The following NFATC4 variants were observed in gnomAD, a reference collection of about 807,000 sequenced individuals.
The protein encoded by NFATC4 is nuclear factor of activated T-cells, cytoplasmic 4.
Under a neutral mutation model 73.4 loss-of-function variants are expected in NFATC4, and 25 were observed. The observed-to-expected ratio is 0.34, with a 90% CI of 0.25 to 0.48. NFATC4 has a LOEUF of 0.48. NFATC4 is among the 20% of genes least tolerant of loss of function. NFATC4 has a pLI of 0.99. For synonymous variants in NFATC4, 523 were observed against 510.3 expected (o/e 1.02, Z -0.34); for missense variants, 1,130 against 1,203.7 (o/e 0.94, Z 0.91).
chr14:24,377,010 G>A lies in NFATC4; in HGVS notation c.2641+132G>A. On this transcript the variant is annotated intron_variant, in intron 9 of 9. Transcript: ENST00000250373. This position sits in a 1 kb window ranked among gnomAD's most constrained non-coding sequence, Gnocchi z 4.2. ...TCTCAGGGCCAGTTGGAGGTTCCCA[G>A]GAGGCATGTTCTTGATGCCTGTGGC... 1 of 1,398,382 alleles carries A rather than the reference G, an allele frequency of 7.2e-7. No individual in the cohort carries two copies. 86.6% of individuals were successfully genotyped at this position (1,398,382 alleles called of 1,614,324 possible). A position where few individuals can be genotyped will look rare whatever the true frequency, so the allele number is the denominator to read the frequency against.
rs916030041 is a variant in NFATC4 at position 24,368,953 on chromosome 14, C to G, written c.100+513C>G. 8 of 838,330 alleles carry G rather than the reference C, an allele frequency of 9.5e-6. 1 individual carries two copies. Among genetic ancestry groups the G allele is most frequent in the African/African-American group, 3.5e-5 (2 of 56,732 alleles). 51.9% of individuals were successfully genotyped at this position (838,330 alleles called of 1,614,324 possible). On this transcript the variant is annotated intron_variant, in intron 1 of 9. Transcript: ENST00000250373. Reference sequence around the variant, plus strand: ...GCACGAATCCGCGCTGCCCGCTGCCCCCCTTCCCCCGGCTGGGCCCAGCAC... The same window carrying G: ...GCACGAATCCGCGCTGCCCGCTGCCGCCCTTCCCCCGGCTGGGCCCAGCAC...
chr14:24,367,769 T>C (rs2042345416), upstream of NFATC4: 2 of 1,387,256 alleles, frequency 1.4e-6, no homozygotes, highest in Non-Finnish European at 1.9e-6. Flanking sequence ...TGGTTCTGCC[T>C]TGCTAGGTGC....
chr14:24,369,897 T>G lies in NFATC4; in HGVS notation c.499T>G (p.Phe167Val). 1 of 1,612,004 alleles carries G rather than the reference T, an allele frequency of 6.2e-7. No homozygotes were observed. Among genetic ancestry groups the G allele is most frequent in the Non-Finnish European group, 8.5e-7 (1 of 1,179,498 alleles). ...AGGGGGCCAGGGTGGGGGGGCCTTC[T>G]TCAGCCCAAGCCCTGGCAGCAGCAG... ...EAGGQGGGAF[F>V]SPSPGSSSLS... The change falls in exon 2 of 10, where the codon TTC (phenylalanine) becomes GTC (valine). Residue 167 changes from phenylalanine (F) to valine (V), a missense_variant. Phe to Val is a conservative substitution (Grantham distance 50). Coordinates refer to ENST00000250373, the MANE Select transcript of NFATC4 (RefSeq NM_004554.5).
Position 24,376,756 on chromosome 14 carries a change from A to C in NFATC4, c.2519A>C (p.Tyr840Ser). Reference sequence around the variant, plus strand: ...GTGCATCCCCTACCTGCTGAGGGATACAATAAGGTAGGGCCAGGCTATGGC... The same window carrying C: ...GTGCATCCCCTACCTGCTGAGGGATCCAATAAGGTAGGGCCAGGCTATGGC... ...SDVHPLPAEG[Y>S]NKVGPGYGPG... Residue 840 changes from tyrosine (Y) to serine (S), a missense_variant, in exon 9 of 10, where the codon TAC becomes TCC. Physicochemically the swap from Tyr to Ser is moderately radical, Grantham distance 144 (BLOSUM62 -2). Around this residue, in one of 3 missense-constraint regions of NFATC4, gnomAD observed 390 missense variants for 408.1 expected, o/e 0.96. Transcript: ENST00000250373. This position sits in a 1 kb window ranked among gnomAD's most constrained non-coding sequence, Gnocchi z 5.0. 2 of 1,613,824 alleles carry C rather than the reference A, an allele frequency of 1.2e-6. No homozygotes were observed.
chr14:24,376,484 C>T lies in NFATC4; in HGVS notation c.2247C>T (p.Tyr749=), dbSNP rs758765935. The T allele has an allele frequency of 1.3e-5, 21 of 1,613,534 alleles. No homozygotes were observed. Among genetic ancestry groups the T allele is most frequent in the Admixed American group, 3.3e-5 (2 of 59,948 alleles). ...EGFGYGMPPL[Y]PQTGPPPSYR... is the part of the protein sequence containing the mutation. ...TCGGCTATGGCATGCCCCCTCTGTACCCCCAGACGGGGCCCCCACCATCCT... is the reference window on the plus strand; with the variant it reads ...TCGGCTATGGCATGCCCCCTCTGTATCCCCAGACGGGGCCCCCACCATCCT... Residue 749 remains tyrosine (Y), a synonymous_variant, in exon 9 of 10, where the codon TAC becomes TAT. Coordinates refer to ENST00000250373, the MANE Select transcript of NFATC4 (RefSeq NM_004554.5). The surrounding 1 kb of genome is among the most constrained non-coding windows in gnomAD (Gnocchi z 5.0).
chr14:24,373,081 C>T lies in NFATC4; in HGVS notation c.1360-90C>T. ...AGGATATCCTTTATCTTTCACCATT[C>T]CCATCCCATGGTAGACTGAAAATCT... is the stretch of plus-strand genomic sequence containing the variant. On this transcript the variant is annotated intron_variant, in intron 3 of 9. Transcript: ENST00000250373. This position sits in a 1 kb window ranked among gnomAD's most constrained non-coding sequence, Gnocchi z 4.7. 7.7e-7 allele frequency: 1 copy of T among 1,306,532 alleles called. No homozygotes were observed. Among genetic ancestry groups the T allele is most frequent in the Non-Finnish European group, 1.1e-6 (1 of 931,860 alleles). The allele number at this position is 1,306,532 out of a possible 1,614,324, so 80.9% of individuals were successfully genotyped here. A position where few individuals can be genotyped will look rare whatever the true frequency, so the allele number is the denominator to read the frequency against.
At chr14:24,368,676 C>T (rs2042373606) in intron 1 of NFATC4, among the ~76,000 whole-genome samples, 1 of 151,818 alleles carries the variant, frequency 6.6e-6, no homozygotes, top group African/African-American at 2.4e-5. Flanking sequence ...GCGCCGCCTC[C>T]CGGCTGGGCC....
chr14:24,376,194 G>C lies in NFATC4; in HGVS notation c.2056+93G>C. 1 of 1,590,632 alleles carries C rather than the reference G, an allele frequency of 6.3e-7. No individual in the cohort carries two copies. The highest frequency in any genetic ancestry group is 8.6e-7 in the Non-Finnish European group (1 of 1,166,584). On this transcript the variant is annotated intron_variant, in intron 8 of 9. Transcript: ENST00000250373. The surrounding 1 kb of genome is among the most constrained non-coding windows in gnomAD (Gnocchi z 5.0). Reference sequence around the variant, plus strand: ...GCAGTACTCATCATGAGGGGCCAAGGGGTGAATGGAACCTGGGAGGAGCAG... The same window carrying C: ...GCAGTACTCATCATGAGGGGCCAAGCGGTGAATGGAACCTGGGAGGAGCAG...
chr14:24,377,047 A>C lies in NFATC4; in HGVS notation c.2641+169A>C. Reference sequence around the variant, plus strand: ...TTGATGCCTGTGGCTGCCTGAATCCAATTAACTGAATTCTGAAGAGTGCAT... The same window carrying C: ...TTGATGCCTGTGGCTGCCTGAATCCCATTAACTGAATTCTGAAGAGTGCAT... On this transcript the variant is annotated intron_variant, in intron 9 of 9. Coordinates refer to ENST00000250373, the MANE Select transcript of NFATC4 (RefSeq NM_004554.5). This position sits in a 1 kb window ranked among gnomAD's most constrained non-coding sequence, Gnocchi z 4.2. The C allele has an allele frequency of 1.4e-6, 2 of 1,383,218 alleles. No homozygotes were observed. The allele number at this position is 1,383,218 out of a possible 1,614,324, so 85.7% of individuals were successfully genotyped here. A position where few individuals can be genotyped will look rare whatever the true frequency, so the allele number is the denominator to read the frequency against.
At chr14:24,369,061 A>C in intron 1 of NFATC4, 6 of 1,379,904 alleles carry the variant, frequency 4.3e-6, no homozygotes, top group Non-Finnish European at 5.6e-6. Context: ...CACAGCCCTG[A>C]CGCCCCCCTC....
chr14:24,376,883 G>C lies in NFATC4; in HGVS notation c.2641+5G>C, dbSNP rs2139314173. ...AGGGTATCACGCTGGAGGAAGGTGGGTGTGGGACTGGGGGCTGTGAGTGTG... is the reference window on the plus strand; with the variant it reads ...AGGGTATCACGCTGGAGGAAGGTGGCTGTGGGACTGGGGGCTGTGAGTGTG... On this transcript the variant is annotated splice_donor_5th_base_variant and intron_variant, in intron 9 of 9. Transcript: ENST00000250373. This position sits in a 1 kb window ranked among gnomAD's most constrained non-coding sequence, Gnocchi z 5.0. 6.4e-7 allele frequency: 1 copy of C among 1,552,566 alleles called. No individual in the cohort carries two copies. Among genetic ancestry groups the C allele is most frequent in the Non-Finnish European group, 8.7e-7 (1 of 1,150,966 alleles).
At chr14:24,369,237 CCT>C in intron 1 of NFATC4, 1 of 1,536,638 alleles carries the variant, frequency 6.5e-7, no homozygotes, top group Non-Finnish European at 8.7e-7. Flanking sequence ...TCTGGACCCA[CCT>C]CTCTCACCTT....
chr14:24,375,896 G>A, intron 7 of NFATC4, 79 bp from the exon 8 acceptor site: 3 of 1,593,904 alleles, frequency 1.9e-6, no homozygotes, highest in Non-Finnish European at 2.6e-6. Context: ...AGGCTAGGAG[G>A]TGGAGTCTGG....
At position 24,377,134 on chromosome 14, in the gene NFATC4, T is replaced by C; in HGVS notation, c.2641+256T>C. 7.7e-7 allele frequency: 1 copy of C among 1,292,864 alleles called. No individual in the cohort carries two copies. The highest frequency in any genetic ancestry group is 9.8e-7 in the Non-Finnish European group (1 of 1,024,998). The allele number at this position is 1,292,864 out of a possible 1,614,324, so 80.1% of individuals were successfully genotyped here. On this transcript the variant is annotated intron_variant, in intron 9 of 9. Coordinates refer to ENST00000250373, the MANE Select transcript of NFATC4 (RefSeq NM_004554.5). This position sits in a 1 kb window ranked among gnomAD's most constrained non-coding sequence, Gnocchi z 4.2. Reference sequence around the variant, plus strand: ...CTGTCCTCTGCTCCAAATCATAAAATCTCAGAGCTAGAAGCACTTTCAAGA... The same window carrying C: ...CTGTCCTCTGCTCCAAATCATAAAACCTCAGAGCTAGAAGCACTTTCAAGA...
intron 3 of NFATC4, chr14:24,372,886 CA>C: frequency 1.7e-6 from 1 of 598,248 alleles, no homozygotes; most frequent in Non-Finnish European, 2.9e-6. Flanking sequence ...AGGCTGAGGA[CA>C]AAAGTCACTG....
intron 7 of NFATC4, 42 bp downstream of exon 7, chr14:24,375,757 G>GCCC: frequency 8.8e-6 from 5 of 566,422 alleles, no homozygotes; most frequent in Non-Finnish European, 1.6e-5. Context: ...GCGGGGGTGG[G>GCCC]AGAAGGCAGG....
chr14:24,366,964 G>A, upstream of NFATC4: 1 of 1,563,172 alleles, frequency 6.4e-7, no homozygotes, highest in South Asian at 1.2e-5. Flanking sequence ...GGGATGGGGC[G>A]GCGTTGGGGG....
At chr14:24,368,163 G>A (rs2139271191), upstream of NFATC4, 2 of 1,248,078 alleles carry the variant, frequency 1.6e-6, no homozygotes, top group South Asian at 6.3e-5. Flanking sequence ...AAGTTTGGGG[G>A]AAAAAAGTTT....
chr14:24,375,621 G>C (rs200436633), intron 6 of NFATC4, 39 bp from the exon 7 acceptor site: 2 of 1,549,786 alleles, frequency 1.3e-6, no homozygotes, highest in East Asian at 2.4e-5. Context: ...GGACAGGGGC[G>C]CTGGAGTTGG....
Sources: gnomAD v4.1 joint callset for allele counts (sites outside exome capture counted in the v4.1 genomes callset) on GRCh38, gnomAD v4.1.1 for gene constraint, gnomAD v4.1.1 regional missense constraint, Gnocchi (gnomAD v3.1) non-coding constraint, MANE v1.5 for transcripts, NCBI Gene and HGNC (gene_info 2026-07-23, HGNC 2026-07-21) for gene names.